GNAQ: variants seen among roughly 807,000 people sequenced by gnomAD.
GNAQ encodes the protein guanine nucleotide-binding protein G(q) subunit alpha.
In GNAQ, 8 loss-of-function variants were observed where a neutral mutation model predicts 43.9. That is an observed-to-expected ratio of 0.18 (90% CI 0.11 to 0.33). The LOEUF (loss-of-function observed/expected upper bound fraction) is 0.33. GNAQ is among the 10% of genes least tolerant of loss of function. The pLI, the probability that GNAQ is intolerant of heterozygous loss-of-function variation, is 1.00. For synonymous variants in GNAQ, 155 were observed against 170.7 expected, an observed-to-expected ratio of 0.91 and a Z score of 0.71; for missense variants, 158 against 450.8, an observed-to-expected ratio of 0.35 and a Z score of 5.88.
At chr9:77,854,099 G>A (rs1827715508) in intron 2 of GNAQ, among the ~76,000 whole-genome samples, 1 of 152,078 alleles carries the variant, frequency 6.6e-6, no homozygotes, top group South Asian at 2.1e-4. Context: ...CTTACATCCT[G>A]TATATTTTTA....
intron 5 of GNAQ, among the ~76,000 whole-genome samples, chr9:77,732,975 G>A (rs1209809346): frequency 6.6e-6 from 1 of 152,186 alleles, no homozygotes. Flanking sequence ...TGACCATGGT[G>A]TGTGTCCTGG....
chr9:78,001,272 ATG>A (rs1823640845), intron 1 of GNAQ, among the ~76,000 whole-genome samples: 1 of 152,044 alleles, frequency 6.6e-6, no homozygotes, highest in South Asian at 2.1e-4. Flanking sequence ...TTGGTAGTGC[ATG>A]CCTGTAATCC....
At chr9:77,905,184 G>A (rs1304785770) in intron 2 of GNAQ, among the ~76,000 whole-genome samples, 1 of 152,156 alleles carries the variant, frequency 6.6e-6, no homozygotes, top group Non-Finnish European at 1.5e-5. Context: ...ACATCGCTGA[G>A]TTATCAGATA....
At chr9:77,959,877 G>T (rs1168998659) in intron 1 of GNAQ, among the ~76,000 whole-genome samples, 1 of 152,168 alleles carries the variant, frequency 6.6e-6, no homozygotes, top group East Asian at 1.9e-4. Context: ...TGGCACCATG[G>T]TTCTAGGAAT....
intron 1 of GNAQ, among the ~76,000 whole-genome samples, chr9:77,943,660 CTT>C (rs34195207): frequency 0.33 from 38,607 of 115,658 alleles, 5,093 homozygotes; most frequent in Admixed American, 0.41. Flanking sequence ...AAGTAACTAA[CTT>C]TTTTTTTTTT....
At chr9:77,878,640 GAA>G (rs987680452) in intron 2 of GNAQ, among the ~76,000 whole-genome samples, 1 of 146,358 alleles carries the variant, frequency 6.8e-6, no homozygotes, top group Non-Finnish European at 1.5e-5. Context: ...TAAGGTTCCT[GAA>G]AAAAAAAAGA....
At chr9:77,961,374 G>C (rs369894870) in intron 1 of GNAQ, among the ~76,000 whole-genome samples, 1 of 152,244 alleles carries the variant, frequency 6.6e-6, no homozygotes, top group South Asian at 2.1e-4. Context: ...AATCGAGAAA[G>C]GCTTAGAATC....
intron 5 of GNAQ, among the ~76,000 whole-genome samples, chr9:77,768,169 C>T (rs1826164522): frequency 6.6e-6 from 1 of 152,140 alleles, no homozygotes; most frequent in Non-Finnish European, 1.5e-5. Context: ...TTTGAATCCA[C>T]GCAGTCTGGC....
intron 1 of GNAQ, among the ~76,000 whole-genome samples, chr9:77,942,254 GGAATTCCT>G (rs1829326561): frequency 6.6e-6 from 1 of 152,056 alleles, no homozygotes; most frequent in African/African-American, 2.4e-5. Flanking sequence ...GGCTGTACTT[GGAATTCCT>G]CTAAGACCAG....
intron 1 of GNAQ, among the ~76,000 whole-genome samples, chr9:77,984,908 G>C (rs545517874): frequency 9.2e-5 from 14 of 152,288 alleles, no homozygotes; most frequent in African/African-American, 2.9e-4. Context: ...GGAGAAAGCA[G>C]AGAATTACAA....
intron 2 of GNAQ, among the ~76,000 whole-genome samples, chr9:77,911,820 C>A (rs1828809785): frequency 6.6e-6 from 1 of 152,136 alleles, no homozygotes; most frequent in Admixed American, 6.6e-5. Context: ...AAGAACATCA[C>A]TGAATAATAA....
At chr9:77,942,871 A>C (rs1829334444) in intron 1 of GNAQ, among the ~76,000 whole-genome samples, 2 of 152,340 alleles carry the variant, frequency 1.3e-5, no homozygotes, top group East Asian at 3.9e-4. Context: ...AATTTCTAAC[A>C]AGCATTTACA....
intron 2 of GNAQ, among the ~76,000 whole-genome samples, chr9:77,838,017 C>T (rs896519405): frequency 1.3e-5 from 2 of 151,756 alleles, no homozygotes; most frequent in African/African-American, 4.8e-5. Flanking sequence ...GCCACCACGC[C>T]CAGCTAATTT....
At chr9:78,015,834 T>A in intron 1 of GNAQ, among the ~76,000 whole-genome samples, 1 of 152,120 alleles carries the variant, frequency 6.6e-6, no homozygotes, top group East Asian at 1.9e-4. Context: ...TAGGGACATG[T>A]AATAAAATGC....
intron 2 of GNAQ, among the ~76,000 whole-genome samples, chr9:77,890,492 G>C (rs1304366395): frequency 6.6e-6 from 1 of 152,166 alleles, no homozygotes; most frequent in African/African-American, 2.4e-5. Context: ...GGGAGGCCGA[G>C]GTGGGAGGAT....
Position 77,719,721 on chromosome 9 carries a change from G to C in GNAQ, c.*1602C>G, listed in dbSNP as rs1343808983. On this transcript the variant is annotated 3_prime_UTR_variant, in exon 7 of 7. Transcript: ENST00000286548. Reference sequence around the variant, plus strand: ...AACTCAAGCTGCTTGACAGAAGCTTGTCAATACATGTGCTGTATTTTTTTT... The same window carrying C: ...AACTCAAGCTGCTTGACAGAAGCTTCTCAATACATGTGCTGTATTTTTTTT... The C allele has an allele frequency of 4.3e-6, 1 of 232,674 alleles. No homozygotes were observed. The highest frequency in any genetic ancestry group is 2.2e-5 in the African/African-American group (1 of 45,312). 14.4% of individuals were successfully genotyped at this position (232,674 alleles called of 1,614,324 possible).
At chr9:77,727,321 T>G (rs1038934807) in intron 6 of GNAQ, among the ~76,000 whole-genome samples, 1 of 152,100 alleles carries the variant, frequency 6.6e-6, no homozygotes, top group Non-Finnish European at 1.5e-5. Context: ...CCTGGCCACA[T>G]AGACTCTTAT....
At chr9:77,998,051 TACAC>T (rs143684787) in intron 1 of GNAQ, among the ~76,000 whole-genome samples, 1 of 151,878 alleles carries the variant, frequency 6.6e-6, no homozygotes, top group Admixed American at 6.6e-5. Flanking sequence ...CCACTTCTCA[TACAC>T]ACACACACGC....
intron 2 of GNAQ, among the ~76,000 whole-genome samples, chr9:77,908,914 C>T (rs1828754868): frequency 1.3e-5 from 2 of 152,258 alleles, no homozygotes; most frequent in East Asian, 1.9e-4. Context: ...TATTCAAGTT[C>T]GAGAAGCAAT....
Sources: gnomAD v4.1 joint callset for allele counts (sites outside exome capture counted in the v4.1 genomes callset) on GRCh38, gnomAD v4.1.1 for gene constraint, MANE v1.5 for transcripts, NCBI Gene and HGNC (gene_info 2026-07-23, HGNC 2026-07-21) for gene names.